RHBDD3: variants seen among roughly 807,000 people sequenced by gnomAD.
RHBDD3 encodes rhomboid domain containing 3.
A neutral mutation model predicts 32.3 loss-of-function variants in RHBDD3; 34 were observed. The ratio of observed to expected loss-of-function variants is 1.05; its 90% CI spans 0.80 to 1.40. RHBDD3 has a LOEUF of 1.40. RHBDD3 is among the 40% of genes most tolerant of loss of function. The pLI is 0.00. For missense variants in RHBDD3, 482 were observed against 492.6 expected, an observed-to-expected ratio of 0.98 and a Z score of 0.20; for synonymous variants, 249 against 239.1, an observed-to-expected ratio of 1.04 and a Z score of -0.38.
At position 29,264,116 on chromosome 22, in the gene RHBDD3, A is replaced by C; in HGVS notation, c.251T>G (p.Leu84Arg). 1 of 1,586,202 alleles carries C rather than the reference A, an allele frequency of 6.3e-7. No individual in the cohort carries two copies. Among genetic ancestry groups the C allele is most frequent in the Non-Finnish European group, 8.6e-7 (1 of 1,167,706 alleles). Residue 84 changes from leucine (L) to arginine (R), a missense_variant, in exon 4 of 7, where the codon CTG (leucine) becomes CGG (arginine). Coordinates refer to ENST00000216085, the MANE Select transcript of RHBDD3 (RefSeq NM_012265.3). ...PTVGWQQECH[L>R]GTLRFLHASA... ...GGCATGCAGGAATCTCAGCGTGCCC[A>C]GGTGGCACTCCTGCTGCCAGCCCAC... is the stretch of plus-strand genomic sequence containing the variant.
rs746735493 is a variant in RHBDD3, at chr22:29,265,677, A to G, written c.-42-9T>C. ...GGTCCTGGGGCTGTGTGCTGGGGAT[A>G]AAAGAAAACAATAACAAGTTATTAC... is the stretch of plus-strand genomic sequence containing the variant. On this transcript the variant is annotated splice_polypyrimidine_tract_variant and intron_variant, in intron 2 of 6. Coordinates refer to ENST00000216085, the MANE Select transcript of RHBDD3 (RefSeq NM_012265.3). 4 of 1,529,716 alleles carry G rather than the reference A, an allele frequency of 2.6e-6. No homozygotes were observed. In the Admixed American group the frequency reaches 7.7e-5, roughly 29 times the overall value. 94.8% of individuals were successfully genotyped at this position (1,529,716 alleles called of 1,614,324 possible).
rs914941502 is a variant in RHBDD3 at position 29,261,213 on chromosome 22, C to T, written c.533-349G>A. Reference sequence around the variant, plus strand: ...CCATGGACACACCTGCTATTGCCTTCAGACAGGCCTGGATAACTCCTGTCA... The same window carrying T: ...CCATGGACACACCTGCTATTGCCTTTAGACAGGCCTGGATAACTCCTGTCA... On this transcript the variant is annotated intron_variant, in intron 4 of 6. Coordinates refer to ENST00000216085, the MANE Select transcript of RHBDD3 (RefSeq NM_012265.3). 10 of 529,982 alleles carry T rather than the reference C, an allele frequency of 1.9e-5. No homozygotes were observed. The African/African-American group carries it at 1.9e-4, about 10-fold the overall frequency. 32.8% of individuals were successfully genotyped at this position (529,982 alleles called of 1,614,324 possible).
At position 29,260,370 on chromosome 22, in the gene RHBDD3, G is replaced by A. The variant is rs200627641; in HGVS notation, c.939C>T (p.Pro313=). 1.7e-5 allele frequency: 28 copies of A among 1,612,368 alleles called. No individual in the cohort carries two copies. The East Asian group carries it at 6.2e-4, about 36-fold the overall frequency. Residue 313 remains proline, a synonymous_variant, in exon 6 of 7, where the codon CCC becomes CCT. Transcript: ENST00000216085. The part of the protein sequence containing the change: ...ASLLDGPAQE[P]QSAPWLSKSS... ...ACTTGGACAGCCATGGTGCGCTCTG[G>A]GGTTCCTGGGCTGGCCCGTCAAGAA... is the stretch of plus-strand genomic sequence containing the variant.
upstream of RHBDD3, chr22:29,268,104 T>A: frequency 3.3e-6 from 2 of 611,894 alleles, no homozygotes; most frequent in South Asian, 3.7e-5. Flanking sequence ...CTCTGGCCCC[T>A]TAGATGCTAT....
Position 29,260,390 on chromosome 22 carries a change from CAAG to C in RHBDD3, c.916_918del (p.Leu306del), listed in dbSNP as rs2058098260. 6.2e-7 allele frequency: 1 copy of C among 1,612,516 alleles called. No homozygotes were observed. Among genetic ancestry groups the C allele is most frequent in the Non-Finnish European group, 8.5e-7 (1 of 1,179,712 alleles). Reference sequence around the variant, plus strand: ...CTCTGGGGTTCCTGGGCTGGCCCGTCAAGAAGCGAGGCCTGGATGCCCTCCTGC... The same window carrying C: ...CTCTGGGGTTCCTGGGCTGGCCCGTCAAGCGAGGCCTGGATGCCCTCCTGC... On this transcript the variant is annotated inframe_deletion, in exon 6 of 7. Coordinates refer to ENST00000216085, the MANE Select transcript of RHBDD3 (RefSeq NM_012265.3).
At position 29,265,299 on chromosome 22, in the gene RHBDD3, C is replaced by T. The variant is rs972825225; in HGVS notation, c.148+180G>A. ...GTTCCAGCCCACCCTAGGGAGTCCT[C>T]TGCCTCCCTTCTTGGCTGTGGATGT... On this transcript the variant is annotated intron_variant, in intron 3 of 6. Transcript: ENST00000216085. 5 of 499,662 alleles carry T rather than the reference C, an allele frequency of 1.0e-5. No homozygotes were observed. The African/African-American group carries it at 1.0e-4, about 10-fold the overall frequency. The allele number at this position is 499,662 out of a possible 1,614,324, so 31.0% of individuals were successfully genotyped here.
chr22:29,260,669 C>A (rs2058103580), intron 5 of RHBDD3, 33 bp downstream of exon 5: 1 of 1,553,040 alleles, frequency 6.4e-7, no homozygotes, highest in South Asian at 1.2e-5. Context: ...CAGTGCCCAC[C>A]ACCTGGACTG....
At chr22:29,265,932 G>A (rs1439252589) in intron 2 of RHBDD3, among the ~76,000 whole-genome samples, 1 of 152,012 alleles carries the variant, frequency 6.6e-6, no homozygotes, top group Non-Finnish European at 1.5e-5. Context: ...CTCCCAAAAA[G>A]AGGGGTTCAG....
rs2058163603 is a variant in RHBDD3 at position 29,265,323 on chromosome 22, G to A, written c.148+156C>T. The A allele has an allele frequency of 1.8e-5, 10 of 563,094 alleles. No individual in the cohort carries two copies. In the East Asian group the frequency reaches 3.5e-4, roughly 20 times the overall value. 34.9% of individuals were successfully genotyped at this position (563,094 alleles called of 1,614,324 possible). ...TCTGCCTCCCTTCTTGGCTGTGGATGTGCTGGGCATGCTCCTGTCTAAGGC... is the reference window on the plus strand; with the variant it reads ...TCTGCCTCCCTTCTTGGCTGTGGATATGCTGGGCATGCTCCTGTCTAAGGC... On this transcript the variant is annotated intron_variant, in intron 3 of 6. Coordinates refer to ENST00000216085, the MANE Select transcript of RHBDD3 (RefSeq NM_012265.3).
chr22:29,266,853 T>G (rs1048521535), intron 2 of RHBDD3, among the ~76,000 whole-genome samples: 1 of 152,242 alleles, frequency 6.6e-6, no homozygotes, highest in African/African-American at 2.4e-5. Flanking sequence ...AAAGCTCCTC[T>G]GCCTGCATTG....
chr22:29,262,106 C>T (rs546953105), intron 4 of RHBDD3: 1 of 150,564 alleles, frequency 6.6e-6, no homozygotes, highest in Non-Finnish European at 1.5e-5. Context: ...GATGCCAGTA[C>T]CACAATATCT....
intron 4 of RHBDD3, 85 bp downstream of exon 4, chr22:29,263,750 T>C: frequency 6.9e-7 from 1 of 1,448,808 alleles, no homozygotes; most frequent in Non-Finnish European, 9.1e-7. Flanking sequence ...GCTTGGGCCT[T>C]CACCCCTTTG....
rs1441094645 is a variant in RHBDD3, at chr22:29,260,608, G to A, written c.701C>T (p.Pro234Leu). The change falls in exon 6 of 7, where the codon CCC (proline) becomes CTC (leucine). Residue 234 changes from proline to leucine, a missense_variant. Pro to Leu is a moderately conservative substitution (Grantham distance 98). Coordinates refer to ENST00000216085, the MANE Select transcript of RHBDD3 (RefSeq NM_012265.3). ...PVTHPAGVRP[P>L]IPGPPYVASP... is the part of the protein sequence containing the mutation. ...GGCCACATAAGGCGGTCCAGGGATGGGAGGCCTGGAGGAGTGGGAAGAGAA... is the reference window on the plus strand; with the variant it reads ...GGCCACATAAGGCGGTCCAGGGATGAGAGGCCTGGAGGAGTGGGAAGAGAA... 3 of 1,587,080 alleles carry A rather than the reference G, an allele frequency of 1.9e-6. No homozygotes were observed. In the African/African-American group the frequency reaches 4.0e-5, roughly 21 times the overall value.
rs2058108211 is a variant in RHBDD3 at position 29,260,865 on chromosome 22, CTG to C, written c.533-3_533-2del. On this transcript the variant is annotated splice_acceptor_variant and splice_polypyrimidine_tract_variant and intron_variant, in intron 4 of 6. Transcript: ENST00000216085. LOFTEE classifies it high-confidence loss of function. ...AGCCACCGGAAGGCCCCAGCTGCAT[CTG>C]TCTGCCCGGGGCAGGGCGGCCGGTC... 1 of 1,576,232 alleles carries C rather than the reference CTG, an allele frequency of 6.3e-7. No homozygotes were observed. Among genetic ancestry groups the C allele is most frequent in the South Asian group, 1.2e-5 (1 of 84,938 alleles).
chr22:29,261,308 C>A (rs781600454), intron 4 of RHBDD3: 3 of 475,050 alleles, frequency 6.3e-6, no homozygotes, highest in South Asian at 1.5e-5. Flanking sequence ...TATGAATCAT[C>A]TTAGGGCTGG....
Position 29,260,618 on chromosome 22 carries a change from A to AG in RHBDD3, c.696-6dup. 1 of 1,582,136 alleles carries AG rather than the reference A, an allele frequency of 6.3e-7. No individual in the cohort carries two copies. The highest frequency in any genetic ancestry group is 1.1e-5 in the South Asian group (1 of 87,032). ...GGCGGTCCAGGGATGGGAGGCCTGG[A>AG]GGAGTGGGAAGAGAAGAGGGCCTGA... On this transcript the variant is annotated splice_polypyrimidine_tract_variant and splice_region_variant and intron_variant, in intron 5 of 6. Transcript: ENST00000216085.
intron 3 of RHBDD3, 29 bp from the exon 4 acceptor site, chr22:29,264,247 G>A (rs1393123244): frequency 6.7e-7 from 1 of 1,498,164 alleles, no homozygotes; most frequent in East Asian, 2.3e-5. Flanking sequence ...TTATGTGCCA[G>A]GTTAGTGGCC....
chr22:29,260,447 T>A lies in RHBDD3; in HGVS notation c.862A>T (p.Met288Leu). The stretch of plus-strand genomic sequence containing the variant: ...ATCTGCTCATCCAAGGCCGCCCACA[T>A]CGGAGTCCCTGGGGAGAAGCTGGCC... ...AGASFSPGTP[M>L]WAALDEQMLQ... The change falls in exon 6 of 7, where the codon ATG (methionine) becomes TTG (leucine). Residue 288 changes from methionine (M) to leucine (L), a missense_variant. Met to Leu is a conservative substitution (Grantham distance 15). Transcript: ENST00000216085. 6.2e-7 allele frequency: 1 copy of A among 1,610,520 alleles called. No homozygotes were observed. The highest frequency in any genetic ancestry group is 8.5e-7 in the Non-Finnish European group (1 of 1,179,240).
chr22:29,261,537 T>C, intron 4 of RHBDD3: 2 of 339,134 alleles, frequency 5.9e-6, no homozygotes, highest in South Asian at 4.4e-5. Context: ...GAGGCTGTAG[T>C]GAGCTATGAT....
Sources: allele counts gnomAD v4.1 joint callset (sites outside exome capture counted in the v4.1 genomes callset), GRCh38; gene constraint gnomAD v4.1.1; transcripts MANE v1.5; gene names NCBI Gene and HGNC (gene_info 2026-07-23, HGNC 2026-07-21).